SRCAP: variants seen among roughly 807,000 people sequenced by gnomAD.
SRCAP encodes the protein Snf2 related CREBBP activator protein.
SRCAP carries 46 observed loss-of-function variants against 263.1 expected under a neutral mutation model. That is an observed-to-expected ratio of 0.17 (90% CI 0.14 to 0.22). SRCAP has a LOEUF of 0.22. SRCAP is among the 10% of genes least tolerant of loss of function. The pLI, the probability that SRCAP is intolerant of heterozygous loss-of-function variation, is 1.00. For missense variants in SRCAP, 3,695 were observed against 4,181.9 expected, an observed-to-expected ratio of 0.88 and a Z score of 3.21; for synonymous variants, 1,813 against 1,662.1, an observed-to-expected ratio of 1.09 and a Z score of -2.21.
At chr16:30,720,658 T>C (rs771195252) in intron 19 of SRCAP, 55 bp from the exon 20 acceptor site, 36 of 1,500,930 alleles carry the variant, frequency 2.4e-5, no homozygotes, top group Non-Finnish European at 3.2e-5. Context: ...TCTTTGATAT[T>C]GCTACCCCTT....
At chr16:30,719,193 G>A (rs938417067) in intron 18 of SRCAP, among the ~76,000 whole-genome samples, 11 of 121,000 alleles carry the variant, frequency 9.1e-5, no homozygotes, top group Non-Finnish European at 1.5e-4. Context: ...ATGGTGCCCC[G>A]CCTATTATTT....
intron 21 of SRCAP, 83 bp from the exon 22 acceptor site, chr16:30,722,036 CGGG>C (rs1555464660): frequency 2.7e-6 from 4 of 1,502,026 alleles, no homozygotes; most frequent in Admixed American, 2.0e-5. Flanking sequence ...ACTGGACACT[CGGG>C]GGAGAGGTGT....
chr16:30,703,336 G>C (rs2052790289), intron 3 of SRCAP, among the ~76,000 whole-genome samples: 1 of 151,048 alleles, frequency 6.6e-6, no homozygotes, highest in African/African-American at 2.4e-5. Flanking sequence ...TGGGATTACA[G>C]GCTCCCGCCA....
At chr16:30,721,948 A>T (rs939929346) in intron 21 of SRCAP, among the ~76,000 whole-genome samples, 174 bp from the exon 22 acceptor site, 5 of 152,224 alleles carry the variant, frequency 3.3e-5, no homozygotes, top group African/African-American at 1.2e-4. Flanking sequence ...GGAGTAGCAC[A>T]TGAAAAGCTC....
intron 20 of SRCAP, 92 bp from the exon 21 acceptor site, chr16:30,721,097 T>G (rs1014711078): frequency 6.5e-7 from 1 of 1,536,244 alleles, no homozygotes; most frequent in Non-Finnish European, 8.8e-7. Context: ...GGTCTAGTAT[T>G]TGATGGGTTG....
intron 3 of SRCAP, among the ~76,000 whole-genome samples, chr16:30,703,342 C>T (rs1202556596): frequency 2.7e-5 from 4 of 150,766 alleles, no homozygotes; most frequent in Admixed American, 6.6e-5. Context: ...TACAGGCTCC[C>T]GCCACCACGC....
In SRCAP at chr16:30,725,107, A is replaced by T. The variant is rs1226755802; in HGVS notation, c.5658+25A>T. 10 of 1,575,736 alleles carry T rather than the reference A, an allele frequency of 6.3e-6. No individual in the cohort carries two copies. In the Admixed American group the frequency reaches 1.8e-4, roughly 29 times the overall value. ...GGTAAGTTTTACTTCCTCAAGAGGG[A>T]ACAGGAAGTTGAGTTTCTTTGGAGT... On this transcript the variant is annotated intron_variant, in intron 25 of 33. Transcript: ENST00000262518.
chr16:30,704,707 C>T lies in SRCAP; in HGVS notation c.306+392C>T, dbSNP rs2052807054. Among the ~76,000 whole-genome samples the T allele has an allele frequency of 1.3e-5, 2 of 152,124 alleles. 1 individual carries two copies. The highest frequency in any genetic ancestry group is 4.8e-5 in the African/African-American group (2 of 41,504). On this transcript the variant is annotated intron_variant, in intron 4 of 33. Coordinates refer to ENST00000262518, the MANE Select transcript of SRCAP (RefSeq NM_006662.3). ...ACAAAAAATTAGCTGGGTATAGTCG[C>T]ACATGCCTGTAGCAGTCGCAGCCAC...
intron 18 of SRCAP, among the ~76,000 whole-genome samples, chr16:30,717,692 A>C (rs1198516627): frequency 7.5e-6 from 1 of 133,444 alleles, no homozygotes; most frequent in Admixed American, 9.3e-5. Context: ...GGCTTACTGC[A>C]ACCTCCGCCT....
chr16:30,724,333 A>G lies in SRCAP; in HGVS notation c.4909A>G (p.Thr1637Ala), dbSNP rs748844842. Residue 1637 changes from threonine to alanine, a missense_variant, in exon 25 of 34, where the codon ACT becomes GCT. Physicochemically the swap from Thr to Ala is moderately conservative, Grantham distance 58. This residue lies in a region of SRCAP where 1,347 missense variants were observed against 1,304.4 expected (regional missense o/e 1.03). Coordinates refer to ENST00000262518, the MANE Select transcript of SRCAP (RefSeq NM_006662.3). The stretch of plus-strand genomic sequence containing the variant: ...GGTTCCAGTTATGGCTCCATCGTCT[A>G]CTCCAGGAACCTCTTTAGCCTCAGC... ...TPVPVMAPSSTPGTSLASASP... is the reference protein window; with the variant it reads ...TPVPVMAPSSAPGTSLASASP... 1.2e-6 allele frequency: 2 copies of G among 1,613,822 alleles called. No homozygotes were observed. The highest frequency in any genetic ancestry group is 1.7e-5 in the Admixed American group (1 of 59,984).
At position 30,737,151 on chromosome 16, in the gene SRCAP, T is replaced by A. The variant is rs751244608; in HGVS notation, c.7111T>A (p.Ser2371Thr). 7 of 1,613,632 alleles carry A rather than the reference T, an allele frequency of 4.3e-6. No individual in the cohort carries two copies. The highest frequency in any genetic ancestry group is 5.9e-6 in the Non-Finnish European group (7 of 1,179,928). Residue 2371 changes from serine (S) to threonine (T), a missense_variant, in exon 34 of 34, where the codon TCC becomes ACC. By Grantham distance (58) the Ser-to-Thr change is moderately conservative. Transcript: ENST00000262518. ...EEGPGAGDES[S>T]CGTGGGTHRR... ...GGGGCCGGGGGCTGGGGATGAGAGT[T>A]CCTGTGGGACTGGTGGAGGCACCCA... is the stretch of plus-strand genomic sequence containing the variant.
At chr16:30,719,275 G>A (rs943245989) in intron 18 of SRCAP, among the ~76,000 whole-genome samples, 14 of 151,696 alleles carry the variant, frequency 9.2e-5, no homozygotes, top group Admixed American at 4.6e-4. Flanking sequence ...GAGTGCAGTG[G>A]CACGATCTTG....
chr16:30,702,327 G>T (rs916185250), intron 3 of SRCAP, among the ~76,000 whole-genome samples: 10 of 151,736 alleles, frequency 6.6e-5, no homozygotes, highest in African/African-American at 2.2e-4. Context: ...CCACCTCCTG[G>T]GTTCAAGTGA....
rs2053193369 is a variant in SRCAP, at chr16:30,739,050, A to G, written c.9010A>G (p.Lys3004Glu). The change falls in exon 34 of 34, where the codon AAA (lysine) becomes GAA (glutamate). Residue 3004 changes from lysine to glutamate, a missense_variant. Around this residue, in one of 12 missense-constraint regions of SRCAP, gnomAD observed 1,207 missense variants for 1,142.9 expected, o/e 1.06. Transcript: ENST00000262518. ...TGTCACCATTTCAACGTCCCCACCC[A>G]AACGGAAGAGGGGCCGACCTCCCAA... The part of the protein sequence containing the change: ...TTVTISTSPP[K>E]RKRGRPPKNP... 6.2e-7 allele frequency: 1 copy of G among 1,613,958 alleles called. No homozygotes were observed. The highest frequency in any genetic ancestry group is 1.3e-5 in the African/African-American group (1 of 74,906).
rs777630442 is a variant in SRCAP, at chr16:30,721,286, C to T, written c.3351C>T (p.Ser1117=). ...CACCACCTGCCCCAGTTCGCCTGAGCCCAGCCCCACCTCCAGGCTCCTCTA... is the reference window on the plus strand; with the variant it reads ...CACCACCTGCCCCAGTTCGCCTGAGTCCAGCCCCACCTCCAGGCTCCTCTA... ...KPTPPAPVRL[S]PAPPPGSSSL... The change falls in exon 21 of 34, where the codon AGC becomes AGT. Residue 1117 remains serine, a synonymous_variant. Coordinates refer to ENST00000262518, the MANE Select transcript of SRCAP (RefSeq NM_006662.3). The T allele has an allele frequency of 7.4e-6, 12 of 1,614,172 alleles. No homozygotes were observed. Among genetic ancestry groups the T allele is most frequent in the Non-Finnish European group, 1.0e-5 (12 of 1,180,032 alleles).
rs2053208954 is a variant in SRCAP, at chr16:30,740,008, C to T, written c.*275C>T. On this transcript the variant is annotated 3_prime_UTR_variant, in exon 34 of 34. Transcript: ENST00000262518. ...CACCCCCTTGTACTTGATTCCCCAG[C>T]TGTCTTTCACACAGCCCCCCACCCT... 2.9e-6 allele frequency: 1 copy of T among 347,904 alleles called. No individual in the cohort carries two copies. The highest frequency in any genetic ancestry group is 5.1e-6 in the Non-Finnish European group (1 of 197,194). The allele number at this position is 347,904 out of a possible 1,614,324, so 21.6% of individuals were successfully genotyped here. A position where few individuals can be genotyped will look rare whatever the true frequency, so the allele number is the denominator to read the frequency against.
intron 8 of SRCAP, chr16:30,710,399 C>A (rs1432957839): frequency 1.6e-6 from 1 of 633,874 alleles, no homozygotes; most frequent in Non-Finnish European, 2.8e-6. Flanking sequence ...CTGACCGTTA[C>A]TTGCCACTTC....
At chr16:30,718,338 A>G (rs868194651) in intron 18 of SRCAP, among the ~76,000 whole-genome samples, 2 of 151,606 alleles carry the variant, frequency 1.3e-5, no homozygotes, top group Non-Finnish European at 2.9e-5. Flanking sequence ...CACCACGCCC[A>G]GCTAATTTTT....
chr16:30,714,856 C>A (rs548032293), intron 16 of SRCAP, among the ~76,000 whole-genome samples: 1 of 152,118 alleles, frequency 6.6e-6, no homozygotes, highest in Non-Finnish European at 1.5e-5. Context: ...TCCTTACTGT[C>A]TTTGAGTAGA....
Sources: allele counts gnomAD v4.1 joint callset (sites outside exome capture counted in the v4.1 genomes callset), GRCh38; gene constraint gnomAD v4.1.1; regional missense constraint gnomAD v4.1.1; transcripts MANE v1.5; gene names NCBI Gene and HGNC (gene_info 2026-07-23, HGNC 2026-07-21).